GPA33: variants seen among roughly 807,000 people sequenced by gnomAD.
GPA33 encodes glycoprotein A33.
In GPA33, 27 loss-of-function variants were observed where a neutral mutation model predicts 35.6. The ratio of observed to expected loss-of-function variants is 0.76; its 90% confidence interval spans 0.56 to 1.04. GPA33 has a LOEUF of 1.04. Among genes scored for constraint, GPA33 ranks in the 50% least tolerant of loss-of-function variants. GPA33 has a pLI of 0.00. For synonymous variants in GPA33, 176 were observed against 164.0 expected (o/e 1.07, Z -0.56); for missense variants, 428 against 411.9 (o/e 1.04, Z -0.34).
chr1:167,054,581 C>T (rs1319251192), intron 6 of GPA33, 115 bp from the exon 7 acceptor site: 6 of 1,289,454 alleles, frequency 4.7e-6, no homozygotes, highest in African/African-American at 4.4e-5. Flanking sequence ...CCCCACCCAC[C>T]AGCTGCAGAG....
intron 3 of GPA33, among the ~76,000 whole-genome samples, chr1:167,067,097 G>A (rs80337871): frequency 0.012 from 1,842 of 151,926 alleles, 11 homozygotes; most frequent in Middle Eastern, 0.024. Flanking sequence ...TTGTTTCTTC[G>A]AGTGCATTAA....
intron 3 of GPA33, among the ~76,000 whole-genome samples, chr1:167,068,672 A>T (rs990765022): frequency 2.3e-4 from 35 of 152,242 alleles, no homozygotes; most frequent in African/African-American, 7.7e-4. Context: ...AAGGACACCG[A>T]CAGAGCAAGG....
chr1:167,083,285 A>T (rs1666988146), intron 1 of GPA33, among the ~76,000 whole-genome samples: 1 of 152,240 alleles, frequency 6.6e-6, no homozygotes, highest in Non-Finnish European at 1.5e-5. Context: ...GGAATGTGAG[A>T]CAGGAACATT....
chr1:167,060,791 G>A (rs1004022604), intron 4 of GPA33, among the ~76,000 whole-genome samples: 7 of 152,116 alleles, frequency 4.6e-5, no homozygotes, highest in Admixed American at 1.3e-4. Context: ...CTAGCGTAAC[G>A]CACAGGCTCT....
chr1:167,086,358 T>C (rs1667047388), intron 1 of GPA33, among the ~76,000 whole-genome samples: 1 of 152,258 alleles, frequency 6.6e-6, no homozygotes, highest in Non-Finnish European at 1.5e-5. Context: ...ACCCCGGCTC[T>C]GGCCCAAATA....
chr1:167,086,750 G>A (rs1327448926), intron 1 of GPA33, among the ~76,000 whole-genome samples: 1 of 152,100 alleles, frequency 6.6e-6, no homozygotes, highest in East Asian at 1.9e-4. Flanking sequence ...TTTTTATATG[G>A]GGGGAGAAAA....
intron 4 of GPA33, 28 bp from the exon 5 acceptor site, chr1:167,055,877 G>T: frequency 6.2e-7 from 1 of 1,613,176 alleles, no homozygotes; most frequent in Non-Finnish European, 8.5e-7. Context: ...TCAGGGTGAA[G>T]AGAGGCACTA....
intron 1 of GPA33, among the ~76,000 whole-genome samples, chr1:167,077,286 T>C (rs1480981212): frequency 6.6e-6 from 1 of 152,074 alleles, no homozygotes; most frequent in Non-Finnish European, 1.5e-5. Flanking sequence ...CTTGCTTCAA[T>C]GGAGCCCTCC....
chr1:167,065,000 C>T (rs541424457), intron 3 of GPA33, among the ~76,000 whole-genome samples: 8 of 152,308 alleles, frequency 5.3e-5, no homozygotes, highest in African/African-American at 1.2e-4. Flanking sequence ...AACCCCAACC[C>T]GATTCCCTGG....
At chr1:167,056,673 G>GTGTGGT (rs1666277931) in intron 4 of GPA33, among the ~76,000 whole-genome samples, 1 of 16,930 alleles carries the variant, frequency 5.9e-5, no homozygotes, top group Non-Finnish European at 1.4e-4. Flanking sequence ...GTGAGTGTGT[G>GTGTGGT]ATGTGTCTGG....
At chr1:167,073,246 T>C in intron 2 of GPA33, 139 bp downstream of exon 2, 2 of 686,276 alleles carry the variant, frequency 2.9e-6, no homozygotes, top group Non-Finnish European at 5.0e-6. Flanking sequence ...CATTCACTGC[T>C]CCCTCCCCAC....
At chr1:167,073,032 T>C (rs1453050351) in intron 2 of GPA33, among the ~76,000 whole-genome samples, 1 of 151,106 alleles carries the variant, frequency 6.6e-6, no homozygotes, top group Non-Finnish European at 1.5e-5. Flanking sequence ...AAAACAAAAC[T>C]CCTCCACACT....
rs765785862 is a variant in GPA33 at position 167,068,943 on chromosome 1, G to A, written c.394C>T (p.Arg132Cys). ...MSDLEGNTKS[R>C]VRLLVLVPPS... is the part of the protein sequence containing the mutation. The stretch of plus-strand genomic sequence containing the variant: ...TCACCGAGGACCAACAGGCGGACAC[G>A]TGACTTGGTGTTGCCCTCCAGGTCT... The change falls in exon 3 of 7, where the codon CGT (arginine) becomes TGT (cysteine). Residue 132 changes from arginine (R) to cysteine (C), a missense_variant. Transcript: ENST00000367868. The A allele has an allele frequency of 6.0e-5, 97 of 1,612,826 alleles. No homozygotes were observed. The Admixed American group carries it at 1.5e-3, about 25-fold the overall frequency.
chr1:167,080,763 C>T (rs772985342), intron 1 of GPA33, among the ~76,000 whole-genome samples: 1 of 152,252 alleles, frequency 6.6e-6, no homozygotes, highest in Admixed American at 6.5e-5. Flanking sequence ...TGTCATGTCT[C>T]TCTCCTCTGC....
chr1:167,056,795 G>A (rs111063748), intron 4 of GPA33, among the ~76,000 whole-genome samples: 29,097 of 39,826 alleles, frequency 0.73, 9,591 homozygotes, highest in Admixed American at 0.76. Context: ...AGTGTGGTGC[G>A]TGTGGTGTGG....
chr1:167,071,730 C>G (rs905812568), intron 2 of GPA33, among the ~76,000 whole-genome samples: 1 of 152,162 alleles, frequency 6.6e-6, no homozygotes, highest in African/African-American at 2.4e-5. Flanking sequence ...AACCCTCCTC[C>G]CATCAAAGAT....
At chr1:167,077,567 A>G (rs1446453963) in intron 1 of GPA33, among the ~76,000 whole-genome samples, 1 of 152,222 alleles carries the variant, frequency 6.6e-6, no homozygotes, top group East Asian at 1.9e-4. Flanking sequence ...TAAATGGCCC[A>G]TGCACAGTTG....
At chr1:167,082,189 G>A in intron 1 of GPA33, 1 of 452,256 alleles carries the variant, frequency 2.2e-6, no homozygotes, top group Admixed American at 2.4e-5. Context: ...GACAGAGAGA[G>A]AGAGAGAATA....
chr1:167,067,897 T>A (rs1389966187), intron 3 of GPA33, among the ~76,000 whole-genome samples: 1 of 151,924 alleles, frequency 6.6e-6, no homozygotes, highest in Non-Finnish European at 1.5e-5. Flanking sequence ...TGAAAGGACA[T>A]GAGGAAAATA....
Sources: gnomAD v4.1 joint callset for allele counts (sites outside exome capture counted in the v4.1 genomes callset) on GRCh38, gnomAD v4.1.1 for gene constraint, MANE v1.5 for transcripts, NCBI Gene and HGNC (gene_info 2026-07-23, HGNC 2026-07-21) for gene names.